Variants in MAK observed in about 807,000 individuals in gnomAD.
MAK encodes the protein serine/threonine-protein kinase MAK.
In MAK, 65 loss-of-function variants were observed where a neutral mutation model predicts 82.6. The observed-to-expected ratio is 0.79, with a 90% CI of 0.64 to 0.97. The LOEUF is 0.97. Ranked by LOEUF, MAK falls within the 50% of genes least tolerant of loss-of-function variation. The probability of loss-of-function intolerance (pLI) is 0.00; values close to 1 mark genes in which losing one functional copy is unlikely to be tolerated. For missense variants in MAK, 703 were observed against 780.2 expected (o/e 0.90, Z 1.18); for synonymous variants, 250 against 274.2 (o/e 0.91, Z 0.87).
At chr6:10,828,640 T>A (rs1562006723) in intron 2 of MAK, among the ~76,000 whole-genome samples, 1 of 151,968 alleles carries the variant, frequency 6.6e-6, no homozygotes, top group South Asian at 2.1e-4. Context: ...AAAAATTTTT[T>A]AAAAATTAGC....
At chr6:10,802,620 A>C (rs890804034) in intron 7 of MAK, 1 of 152,656 alleles carries the variant, frequency 6.6e-6, no homozygotes, top group Non-Finnish European at 1.5e-5. Context: ...TTGCAATATT[A>C]AGCTCTTGTC....
chr6:10,828,428 G>T (rs1210190254), intron 2 of MAK, among the ~76,000 whole-genome samples: 3 of 152,254 alleles, frequency 2.0e-5, no homozygotes, highest in African/African-American at 7.2e-5. Context: ...GTGAGTGAGT[G>T]TGATGGGTTC....
chr6:10,837,239 G>A (rs1192003111), intron 1 of MAK, among the ~76,000 whole-genome samples: 5 of 151,988 alleles, frequency 3.3e-5, no homozygotes, highest in African/African-American at 1.2e-4. Flanking sequence ...AGCAACGCAG[G>A]AAAAAAAGAT....
intron 6 of MAK, among the ~76,000 whole-genome samples, chr6:10,806,227 T>A (rs1412302731): frequency 6.7e-6 from 1 of 150,042 alleles, no homozygotes; most frequent in Non-Finnish European, 1.5e-5. Context: ...CAGGCTGGAG[T>A]GCAATGGCGC....
At chr6:10,797,463 C>T (rs1012976712) in intron 8 of MAK, among the ~76,000 whole-genome samples, 2 of 152,152 alleles carry the variant, frequency 1.3e-5, no homozygotes, top group Admixed American at 1.3e-4. Flanking sequence ...AGGGACATTG[C>T]TAACTATCCC....
chr6:10,815,597 C>G (rs893551178), intron 4 of MAK, among the ~76,000 whole-genome samples: 2 of 152,002 alleles, frequency 1.3e-5, no homozygotes. Flanking sequence ...CACTCTGGCC[C>G]TCCAGCCAAG....
rs1261624393 is a variant in MAK at position 10,800,592 on chromosome 6, C to A, written c.831+1300G>T. 6.6e-6 allele frequency among the ~76,000 whole-genome samples: 1 copy of A among 152,052 alleles called. No homozygotes were observed. The highest frequency in any genetic ancestry group is 1.5e-5 in the Non-Finnish European group (1 of 68,024). Reference sequence around the variant, plus strand: ...CGGTGGCTCACACCTGTAATCCCAGCACTTTGGGAGGCCAAGGAGGGCAGA... The same window carrying A: ...CGGTGGCTCACACCTGTAATCCCAGAACTTTGGGAGGCCAAGGAGGGCAGA... On this transcript the variant is annotated intron_variant, in intron 8 of 14. Transcript: ENST00000354489. This position sits in a 1 kb window ranked among gnomAD's most constrained non-coding sequence, Gnocchi z 4.2.
chr6:10,824,294 C>T (rs1014080038), intron 2 of MAK, among the ~76,000 whole-genome samples: 86 of 152,368 alleles, frequency 5.6e-4, no homozygotes, highest in African/African-American at 2.0e-3. Flanking sequence ...AATGGTCCTA[C>T]TGTCCAAGAC....
intron 5 of MAK, among the ~76,000 whole-genome samples, chr6:10,810,530 TG>T (rs1240137735): frequency 6.6e-6 from 1 of 151,948 alleles, no homozygotes; most frequent in African/African-American, 2.4e-5. Context: ...TAGTAGAAAC[TG>T]GATTTTGCCA....
intron 4 of MAK, among the ~76,000 whole-genome samples, chr6:10,814,049 A>G (rs554845328): frequency 3.3e-5 from 5 of 152,136 alleles, no homozygotes; most frequent in Admixed American, 6.5e-5. Context: ...GGCTCACTGA[A>G]ACCTCCACCT....
chr6:10,770,170 T>C lies in MAK; in HGVS notation c.1733A>G (p.Lys578Arg), dbSNP rs776221542. ...QSGYIPSFLK[K>R]EVQSAGQRIH... is the part of the protein sequence containing the mutation. ...CCTCTGGCCAGCTGACTGCACTTCT[T>C]TTTTGAGAAAGGAAGGAATATATCC... Residue 578 changes from lysine to arginine, a missense_variant, in exon 14 of 15, where the codon AAA becomes AGA. Lys to Arg is a conservative substitution (Grantham distance 26, BLOSUM62 2). Transcript: ENST00000354489. 9.3e-6 allele frequency: 15 copies of C among 1,614,182 alleles called. No homozygotes were observed. Among genetic ancestry groups the C allele is most frequent in the Non-Finnish European group, 1.3e-5 (15 of 1,180,024 alleles).
At chr6:10,801,684 A>G (rs1776027748) in intron 8 of MAK, among the ~76,000 whole-genome samples, 1 of 152,160 alleles carries the variant, frequency 6.6e-6, no homozygotes, top group East Asian at 1.9e-4. Flanking sequence ...AACTCAGAAA[A>G]TCATTGGTGT....
intron 14 of MAK, among the ~76,000 whole-genome samples, chr6:10,766,725 C>A (rs1028037414): frequency 6.6e-6 from 1 of 151,988 alleles, no homozygotes. Context: ...CAATAAGCCC[C>A]GCTTATTCAG....
chr6:10,799,728 C>G (rs1406158969), intron 8 of MAK, among the ~76,000 whole-genome samples: 1 of 152,182 alleles, frequency 6.6e-6, no homozygotes, highest in African/African-American at 2.4e-5. Context: ...GTCAGGAGAT[C>G]AACAGCAGCC....
rs562437277 is a variant in MAK, at chr6:10,817,466, T to C, written c.278+384A>G. ...AGATCCTTTCTTGAAAGCAACTTCA[T>C]TCCTTTCTCCATTCTTTCATTAACC... is the stretch of plus-strand genomic sequence containing the variant. On this transcript the variant is annotated intron_variant, in intron 4 of 14. Transcript: ENST00000354489. Among the ~76,000 whole-genome samples the C allele has an allele frequency of 4.6e-5, 7 of 152,346 alleles. No individual in the cohort carries two copies. The East Asian group carries it at 1.3e-3, about 29-fold the overall frequency.
chr6:10,769,396 T>A (rs976948001), intron 14 of MAK, among the ~76,000 whole-genome samples: 1 of 152,142 alleles, frequency 6.6e-6, no homozygotes, highest in South Asian at 2.1e-4. Context: ...CACCCTCCAT[T>A]TCAAGTGTGT....
intron 5 of MAK, among the ~76,000 whole-genome samples, chr6:10,810,214 T>G (rs189504649): frequency 4.7e-4 from 72 of 151,776 alleles, no homozygotes; most frequent in African/African-American, 1.7e-3. Flanking sequence ...CTAAGGGCAG[T>G]CTACAGCATT....
intron 2 of MAK, among the ~76,000 whole-genome samples, chr6:10,820,888 T>G (rs1484214265): frequency 6.6e-6 from 1 of 152,230 alleles, no homozygotes; most frequent in Non-Finnish European, 1.5e-5. Flanking sequence ...AAAGAAAAGT[T>G]GATTAATAAA....
Position 10,799,489 on chromosome 6 carries a change from C to A in MAK, c.831+2403G>T, listed in dbSNP as rs572209096. Among the ~76,000 whole-genome samples, 7 of 150,398 alleles carry A rather than the reference C, an allele frequency of 4.7e-5. No individual in the cohort carries two copies. In the South Asian group the frequency reaches 1.5e-3, roughly 32 times the overall value. On this transcript the variant is annotated intron_variant, in intron 8 of 14. Coordinates refer to ENST00000354489, the MANE Select transcript of MAK (RefSeq NM_001242957.3). ...AAAATATGGGCCAGGTGTGGTGGCT[C>A]ACGCCTATATTATTTCAGCACTTTG...
Sources: allele counts gnomAD v4.1 joint callset (sites outside exome capture counted in the v4.1 genomes callset), GRCh38; gene constraint gnomAD v4.1.1; non-coding constraint Gnocchi (gnomAD v3.1); transcripts MANE v1.5; gene names NCBI Gene and HGNC (gene_info 2026-07-23, HGNC 2026-07-21).